Variants in MSRA observed in about 807,000 individuals in gnomAD.
The protein encoded by MSRA is mitochondrial peptide methionine sulfoxide reductase.
In MSRA, 54 loss-of-function variants were observed where a neutral mutation model predicts 31.3. The ratio of observed to expected loss-of-function variants is 1.73; its 90% CI spans 1.39 to 2.17. MSRA has a LOEUF of 2.17. Ranked by LOEUF, MSRA falls within the 30% of genes most tolerant of loss-of-function variation. The probability of loss-of-function intolerance (pLI) is 0.00; values close to 1 mark genes in which losing one functional copy is unlikely to be tolerated. For missense variants in MSRA, 507 were observed against 300.9 expected (o/e 1.69, Z -5.07); for synonymous variants, 169 against 116.5 (o/e 1.45, Z -2.90).
chr8:10,216,039 C>T (rs1478998168), intron 2 of MSRA, among the ~76,000 whole-genome samples: 2 of 152,110 alleles, frequency 1.3e-5, no homozygotes, highest in African/African-American at 4.8e-5. Context: ...AAAAAAGTTA[C>T]TCATTATTAA....
At chr8:10,204,300 C>G (rs1333875614) in intron 1 of MSRA, among the ~76,000 whole-genome samples, 1 of 152,190 alleles carries the variant, frequency 6.6e-6, no homozygotes, top group Non-Finnish European at 1.5e-5. Context: ...TTTATAAAGT[C>G]CGTGGTAGTG....
At chr8:10,210,561 A>T (rs1250204776) in intron 2 of MSRA, among the ~76,000 whole-genome samples, 5 of 152,164 alleles carry the variant, frequency 3.3e-5, no homozygotes, top group African/African-American at 1.2e-4. Context: ...TACGGCTATC[A>T]TGCTTTTCCA....
At chr8:10,218,030 A>G (rs1267693603) in intron 2 of MSRA, among the ~76,000 whole-genome samples, 1 of 151,974 alleles carries the variant, frequency 6.6e-6, no homozygotes, top group Non-Finnish European at 1.5e-5. Context: ...TGTATTTTCT[A>G]CAAACCGAGA....
chr8:10,230,899 C>T (rs772149818), intron 2 of MSRA, among the ~76,000 whole-genome samples: 5 of 152,180 alleles, frequency 3.3e-5, no homozygotes, highest in Non-Finnish European at 7.3e-5. Flanking sequence ...TTTCTCCTGC[C>T]TCAGCCTCCC....
At chr8:10,070,137 T>TG (rs1422068156) in intron 1 of MSRA, among the ~76,000 whole-genome samples, 1 of 152,164 alleles carries the variant, frequency 6.6e-6, no homozygotes, top group Non-Finnish European at 1.5e-5. Flanking sequence ...ATGAATACTT[T>TG]GGGGAAAATA....
At chr8:10,228,242 T>C (rs1796895356) in intron 2 of MSRA, among the ~76,000 whole-genome samples, 1 of 152,210 alleles carries the variant, frequency 6.6e-6, no homozygotes, top group African/African-American at 2.4e-5. Context: ...AGGGTCCTTT[T>C]GTTGCCCTGG....
intron 2 of MSRA, 25 bp from the exon 3 acceptor site, chr8:10,245,077 CTT>C: frequency 6.3e-7 from 1 of 1,586,582 alleles, no homozygotes; most frequent in Non-Finnish European, 8.6e-7. Context: ...AATCAGTATC[CTT>C]TTTTTTTCTT....
intron 1 of MSRA, among the ~76,000 whole-genome samples, chr8:10,159,675 G>A (rs916357177): frequency 6.6e-6 from 1 of 152,216 alleles, no homozygotes; most frequent in African/African-American, 2.4e-5. Context: ...AGTGGGGAGA[G>A]GGGAGGGGGT....
In MSRA at chr8:10,123,118, G is replaced by A. The variant is rs117732611; in HGVS notation, c.142+68460G>A. ...TCGAGGAATTGCCACACTGCTTTCCGCAATGGTCGAACTAATTCCCACCAA... is the reference window on the plus strand; with the variant it reads ...TCGAGGAATTGCCACACTGCTTTCCACAATGGTCGAACTAATTCCCACCAA... On this transcript the variant is annotated intron_variant, in intron 1 of 5. Coordinates refer to ENST00000317173, the MANE Select transcript of MSRA (RefSeq NM_012331.5). Among the ~76,000 whole-genome samples the A allele has an allele frequency of 6.5e-3, 986 of 152,262 alleles. 5 individuals carry two copies. Among genetic ancestry groups the A allele is most frequent in the African/African-American group, 0.011 (462 of 41,536 alleles).
rs1411388331 is a variant in MSRA, at chr8:10,413,870, G to C, written c.544-14278G>C. Among the ~76,000 whole-genome samples the C allele has an allele frequency of 2.0e-5, 3 of 152,166 alleles. No homozygotes were observed. The East Asian group carries it at 5.8e-4, about 29-fold the overall frequency. On this transcript the variant is annotated intron_variant, in intron 5 of 5. Transcript: ENST00000317173. Reference sequence around the variant, plus strand: ...ATTTTGAAAACCACTGAATTGTAAAGTTTGAAAGGATAGGTCAGGCACAGT... The same window carrying C: ...ATTTTGAAAACCACTGAATTGTAAACTTTGAAAGGATAGGTCAGGCACAGT...
rs563969356 is a variant in MSRA, at chr8:10,208,026, C to A, written c.211+125C>A. 6.0e-6 allele frequency: 4 copies of A among 669,762 alleles called. No homozygotes were observed. In the Admixed American group the frequency reaches 9.1e-5, roughly 15 times the overall value. The allele number at this position is 669,762 out of a possible 1,614,324, so 41.5% of individuals were successfully genotyped here. A position where few individuals can be genotyped will look rare whatever the true frequency, so the allele number is the denominator to read the frequency against. ...TCTTCTAGATATTTACAAGTTGTTA[C>A]AGCCAAGAAAACTATTGAGTTCCTA... is the stretch of plus-strand genomic sequence containing the variant. On this transcript the variant is annotated intron_variant, in intron 2 of 5. Transcript: ENST00000317173.
intron 5 of MSRA, among the ~76,000 whole-genome samples, chr8:10,390,682 G>A (rs1014871393): frequency 5.3e-5 from 8 of 152,154 alleles, no homozygotes; most frequent in Admixed American, 5.2e-4. Context: ...CACAGGTGCC[G>A]CATTGTTTCT....
At chr8:10,254,961 C>T (rs935168980) in intron 3 of MSRA, among the ~76,000 whole-genome samples, 18 of 152,152 alleles carry the variant, frequency 1.2e-4, no homozygotes, top group African/African-American at 3.6e-4. Context: ...TCATCTGTTC[C>T]GGTGATTTGT....
chr8:10,169,505 A>G (rs1805420200), intron 1 of MSRA, among the ~76,000 whole-genome samples: 2 of 152,230 alleles, frequency 1.3e-5, no homozygotes, highest in African/African-American at 4.8e-5. Context: ...AAAACATAAA[A>G]CCATCAAACT....
chr8:10,349,451 C>G (rs1285613430), intron 5 of MSRA, among the ~76,000 whole-genome samples: 1 of 152,140 alleles, frequency 6.6e-6, no homozygotes, highest in Non-Finnish European at 1.5e-5. Context: ...TAATGAAAAC[C>G]CTGACTCTTC....
intron 1 of MSRA, among the ~76,000 whole-genome samples, chr8:10,133,285 C>A (rs1054213021): frequency 2.0e-5 from 3 of 152,170 alleles, no homozygotes; most frequent in Non-Finnish European, 2.9e-5. Context: ...CTCACTGAAT[C>A]CTCACGACCA....
At chr8:10,211,647 C>T (rs1434148034) in intron 2 of MSRA, among the ~76,000 whole-genome samples, 2 of 152,112 alleles carry the variant, frequency 1.3e-5, no homozygotes, top group African/African-American at 4.8e-5. Flanking sequence ...CATCATTGTG[C>T]TCCTTTATAG....
chr8:10,100,413 G>C (rs1799455601), intron 1 of MSRA, among the ~76,000 whole-genome samples: 1 of 152,130 alleles, frequency 6.6e-6, no homozygotes, highest in African/African-American at 2.4e-5. Context: ...CATTGTGCTT[G>C]TGGAGGTCCT....
At chr8:10,257,676 A>G (rs1397666188) in intron 3 of MSRA, among the ~76,000 whole-genome samples, 1 of 152,142 alleles carries the variant, frequency 6.6e-6, no homozygotes, top group Admixed American at 6.5e-5. Context: ...ACGGCACCTC[A>G]ATGGCCTCCC....
Sources: gnomAD v4.1 joint callset for allele counts (sites outside exome capture counted in the v4.1 genomes callset) on GRCh38, gnomAD v4.1.1 for gene constraint, MANE v1.5 for transcripts, NCBI Gene and HGNC (gene_info 2026-07-23, HGNC 2026-07-21) for gene names.